OR51E2: variants seen among roughly 807,000 people sequenced by gnomAD.
OR51E2 encodes the protein olfactory receptor 51E2.
A neutral mutation model predicts 13.7 loss-of-function variants in OR51E2; 14 were observed. The observed-to-expected ratio is 1.02, with a 90% CI of 0.68 to 1.60. OR51E2 has a LOEUF of 1.60. OR51E2 is among the 40% of genes most tolerant of loss of function. OR51E2 has a pLI of 0.00. For missense variants in OR51E2, 483 were observed against 413.8 expected (o/e 1.17, Z -1.45); for synonymous variants, 180 against 157.6 (o/e 1.14, Z -1.07).
intron 1 of OR51E2, among the ~76,000 whole-genome samples, chr11:4,692,820 C>G (rs7480497): frequency 6.7e-6 from 1 of 149,690 alleles, no homozygotes. Context: ...TGATAAAGTG[C>G]CACCTCAAGG....
rs12576387 is a variant in OR51E2 at position 4,682,532 on chromosome 11, G to C, written c.180C>G (p.Leu60=). The C allele has an allele frequency of 6.2e-7, 1 of 1,614,192 alleles. No individual in the cohort carries two copies. Among genetic ancestry groups the C allele is most frequent in the Non-Finnish European group, 8.5e-7 (1 of 1,180,034 alleles). Reference sequence around the variant, plus strand: ...CAATGGCTGCAAGCATGCAGAGAAAGAGGTACATCGGAGCGTGCAGGCTGC... The same window carrying C: ...CAATGGCTGCAAGCATGCAGAGAAACAGGTACATCGGAGCGTGCAGGCTGC... ...TERSLHAPMY[L]FLCMLAAIDL... The change falls in exon 2 of 2, where the codon CTC becomes CTG. Residue 60 remains leucine (L), a synonymous_variant. Transcript: ENST00000396950.
chr11:4,690,630 A>G (rs1847631), intron 1 of OR51E2: 43,271 of 299,568 alleles, frequency 0.14, 3,711 homozygotes, highest in East Asian at 0.3. Context: ...TTCCAGCTTT[A>G]ACTTTAAATG....
At chr11:4,684,149 C>T (rs1847489580) in intron 1 of OR51E2, among the ~76,000 whole-genome samples, 2 of 152,124 alleles carry the variant, frequency 1.3e-5, no homozygotes, top group Non-Finnish European at 2.9e-5. Flanking sequence ...CAAAGAAGGA[C>T]AGATTTGGGG....
In OR51E2 at chr11:4,692,425, C is replaced by T. The variant is rs149781906; in HGVS notation, c.-51+5228G>A. 4.5e-3 allele frequency among the ~76,000 whole-genome samples: 690 copies of T among 152,378 alleles called. 8 individuals are homozygous for T. Among genetic ancestry groups the T allele is most frequent in the Non-Finnish European group, 4.3e-3 (290 of 68,042 alleles). ...TGCTGCCACGTTCCAACACAGTTCT[C>T]TCTTCAGTCTGCTGGAAGACTAGTT... On this transcript the variant is annotated intron_variant, in intron 1 of 1. Transcript: ENST00000396950.
chr11:4,693,706 A>T (rs1211584039), intron 1 of OR51E2, among the ~76,000 whole-genome samples: 1 of 152,186 alleles, frequency 6.6e-6, no homozygotes, highest in African/African-American at 2.4e-5. Flanking sequence ...TGGGCGACAG[A>T]GCGAGACTCC....
At chr11:4,684,803 C>G (rs993839659) in intron 1 of OR51E2, among the ~76,000 whole-genome samples, 2 of 152,170 alleles carry the variant, frequency 1.3e-5, no homozygotes, top group South Asian at 2.1e-4. Context: ...TGCCTGGCAT[C>G]CTGCCTAAAG....
At chr11:4,686,491 C>A (rs1015350112) in intron 1 of OR51E2, among the ~76,000 whole-genome samples, 4 of 152,078 alleles carry the variant, frequency 2.6e-5, no homozygotes, top group African/African-American at 7.2e-5. Context: ...TAAGCAGGGA[C>A]ATCACAACTA....
At chr11:4,687,179 T>C (rs1015373831) in intron 1 of OR51E2, among the ~76,000 whole-genome samples, 1 of 152,200 alleles carries the variant, frequency 6.6e-6, no homozygotes, top group South Asian at 2.1e-4. Flanking sequence ...GCCTGTAGCT[T>C]CTCTGGATTT....
In OR51E2 at chr11:4,680,712, A is replaced by G. The variant is rs1351826605; in HGVS notation, c.*1037T>C. ...AACACATAAAACCTGTGAAGCACTT[A>G]TAATAGTGCCAGAACATTGTGAGCA... On this transcript the variant is annotated 3_prime_UTR_variant, in exon 2 of 2. Coordinates refer to ENST00000396950, the MANE Select transcript of OR51E2 (RefSeq NM_030774.4). The G allele has an allele frequency of 6.6e-6, 1 of 152,580 alleles. No individual in the cohort carries two copies. Among genetic ancestry groups the G allele is most frequent in the Non-Finnish European group, 1.5e-5 (1 of 68,036 alleles). The allele number at this position is 152,580 out of a possible 1,614,324, so 9.5% of individuals were successfully genotyped here.
intron 1 of OR51E2, among the ~76,000 whole-genome samples, chr11:4,693,475 A>C (rs1450147435): frequency 6.6e-6 from 1 of 152,208 alleles, no homozygotes; most frequent in African/African-American, 2.4e-5. Context: ...TAGTCCCAGC[A>C]CTTTGGGAGG....
intron 1 of OR51E2, among the ~76,000 whole-genome samples, chr11:4,694,381 A>T (rs1268071960): frequency 6.6e-6 from 1 of 151,858 alleles, no homozygotes; most frequent in East Asian, 1.9e-4. Flanking sequence ...GCTCAGAGAC[A>T]GAGGGTACCT....
chr11:4,696,421 A>G (rs551676894), intron 1 of OR51E2, among the ~76,000 whole-genome samples: 1 of 152,136 alleles, frequency 6.6e-6, no homozygotes, highest in East Asian at 1.9e-4. Context: ...ACATATAAAG[A>G]TTAGTTTTTA....
intron 1 of OR51E2, among the ~76,000 whole-genome samples, chr11:4,694,339 A>G (rs1345430258): frequency 1.3e-5 from 2 of 151,912 alleles, no homozygotes; most frequent in East Asian, 1.9e-4. Context: ...TTACAAGCAT[A>G]TCTTCCTGCA....
rs202045404 is a variant in OR51E2, at chr11:4,681,889, T to C, written c.823A>G (p.Met275Val). ...GGCAGCAGCAGGTAGATGTCACCCA[T>C]GACAACACGCACAATGGGATGAAGG... ...NSLHPIVRVV[M>V]GDIYLLLPPV... Residue 275 changes from methionine (M) to valine (V), a missense_variant, in exon 2 of 2, where the codon ATG (methionine) becomes GTG (valine). Physicochemically the swap from Met to Val is conservative, Grantham distance 21 (BLOSUM62 1). Coordinates refer to ENST00000396950, the MANE Select transcript of OR51E2 (RefSeq NM_030774.4). 4.3e-6 allele frequency: 7 copies of C among 1,614,128 alleles called. No homozygotes were observed. Among genetic ancestry groups the C allele is most frequent in the Admixed American group, 1.7e-5 (1 of 60,010 alleles).
intron 1 of OR51E2, chr11:4,690,456 G>A (rs1847563220): frequency 6.1e-6 from 1 of 164,952 alleles, no homozygotes; most frequent in Non-Finnish European, 1.3e-5. Context: ...CAGAAAGGGT[G>A]TTGGCAGGGA....
rs746513991 is a variant in OR51E2 at position 4,694,359 on chromosome 11, C to T, written c.-51+3294G>A. 3.3e-5 allele frequency among the ~76,000 whole-genome samples: 5 copies of T among 151,974 alleles called. 1 individual carries two copies. Among genetic ancestry groups the T allele is most frequent in the African/African-American group, 9.7e-5 (4 of 41,442 alleles). On this transcript the variant is annotated intron_variant, in intron 1 of 1. Coordinates refer to ENST00000396950, the MANE Select transcript of OR51E2 (RefSeq NM_030774.4). ...AGCATATCTTCCTGCATCCTTCCTA[C>T]GTTCACGCTGGGCTCAGAGACAGAG...
At chr11:4,689,482 C>T (rs553483694) in intron 1 of OR51E2, among the ~76,000 whole-genome samples, 65 of 152,166 alleles carry the variant, frequency 4.3e-4, no homozygotes, top group Middle Eastern at 3.4e-3. Context: ...CTCCATAAAG[C>T]GAGGGGGCAA....
Position 4,682,320 on chromosome 11 carries a change from T to C in OR51E2, c.392A>G (p.His131Arg), listed in dbSNP as rs1157918796. The C allele has an allele frequency of 2.5e-6, 4 of 1,614,122 alleles. No individual in the cohort carries two copies. In the Admixed American group the frequency reaches 6.7e-5, roughly 27 times the overall value. Residue 131 changes from histidine (H) to arginine (R), a missense_variant, in exon 2 of 2, where the codon CAT (histidine) becomes CGT (arginine). Transcript: ENST00000396950. ...TACTGTATTGTTGAGCACTGCAGCA[T>C]GGCGCAGTGGGTGGCAGATGGCCAC... ...RYVAICHPLR[H>R]AAVLNNTVTA...
chr11:4,691,391 G>T (rs1847577355), intron 1 of OR51E2: 1 of 457,762 alleles, frequency 2.2e-6, no homozygotes, highest in African/African-American at 2.0e-5. Context: ...ATTTAATAAA[G>T]AACATGTGGG....
Sources: gnomAD v4.1 joint callset for allele counts (sites outside exome capture counted in the v4.1 genomes callset) on GRCh38, gnomAD v4.1.1 for gene constraint, MANE v1.5 for transcripts, NCBI Gene and HGNC (gene_info 2026-07-23, HGNC 2026-07-21) for gene names.